The following MCHR2 variants were observed in gnomAD, a reference collection of about 807,000 sequenced individuals.
MCHR2 encodes melanin concentrating hormone receptor 2.
A neutral mutation model predicts 24.8 loss-of-function variants in MCHR2; 15 were observed. That is an observed-to-expected ratio of 0.60 (90% CI 0.40 to 0.93). The LOEUF (loss-of-function observed/expected upper bound fraction) is 0.93. Ranked by LOEUF, MCHR2 falls within the 40% of genes least tolerant of loss-of-function variation. The pLI is 0.00. For missense variants in MCHR2, 386 were observed against 408.7 expected, an observed-to-expected ratio of 0.94 and a Z score of 0.48; for synonymous variants, 151 against 147.6, an observed-to-expected ratio of 1.02 and a Z score of -0.17.
At chr6:99,961,146 T>C (rs9389909) in intron 1 of MCHR2, among the ~76,000 whole-genome samples, 7 of 150,598 alleles carry the variant, frequency 4.6e-5, no homozygotes, top group African/African-American at 1.7e-4. Context: ...AACAACCCCA[T>C]CAAAAAGTGG....
At chr6:99,979,043 G>A (rs557883169) in intron 1 of MCHR2, among the ~76,000 whole-genome samples, 10 of 152,324 alleles carry the variant, frequency 6.6e-5, no homozygotes, top group South Asian at 2.1e-4. Context: ...GAGGTGGGGC[G>A]GAGGGAGGTG....
At chr6:99,957,891 T>C (rs1227477100) in intron 1 of MCHR2, among the ~76,000 whole-genome samples, 1 of 152,076 alleles carries the variant, frequency 6.6e-6, no homozygotes, top group South Asian at 2.1e-4. Context: ...TGAAGACTCA[T>C]TAATCTATAG....
intron 1 of MCHR2, among the ~76,000 whole-genome samples, chr6:99,970,057 T>A (rs572287968): frequency 9.9e-4 from 149 of 149,840 alleles, no homozygotes; most frequent in African/African-American, 3.5e-3. Flanking sequence ...TGATTTATAA[T>A]CCTTTGGGTA....
At chr6:99,985,053 C>T (rs971777978) in intron 1 of MCHR2, among the ~76,000 whole-genome samples, 1 of 151,950 alleles carries the variant, frequency 6.6e-6, no homozygotes, top group African/African-American at 2.4e-5. Context: ...GGAACCAAAT[C>T]AAGAACTCAA....
rs540787993 is a variant in MCHR2 at position 99,939,447 on chromosome 6, G to GA, written c.587+3501dup. 9.2e-5 allele frequency among the ~76,000 whole-genome samples: 14 copies of GA among 151,936 alleles called. 1 individual carries two copies. The South Asian group carries it at 2.1e-3, about 23-fold the overall frequency. ...TTATCTTACATCAAAGAAAAAAGTG[G>GA]AAAAAAATCTACATTTTAACTCCAT... On this transcript the variant is annotated intron_variant, in intron 4 of 5. Coordinates refer to ENST00000281806, the MANE Select transcript of MCHR2 (RefSeq NM_001040179.2).
At chr6:99,986,950 A>G (rs1308816909) in intron 1 of MCHR2, among the ~76,000 whole-genome samples, 1 of 151,496 alleles carries the variant, frequency 6.6e-6, no homozygotes, top group Non-Finnish European at 1.5e-5. Flanking sequence ...AAATGATAAC[A>G]TTGGCATATT....
intron 1 of MCHR2, among the ~76,000 whole-genome samples, chr6:99,965,753 T>A (rs531327152): frequency 2.6e-5 from 4 of 152,154 alleles, no homozygotes; most frequent in Admixed American, 1.3e-4. Flanking sequence ...GGCATATGCA[T>A]TTTTTAAAAT....
intron 1 of MCHR2, among the ~76,000 whole-genome samples, chr6:99,976,506 G>T (rs1775554662): frequency 6.6e-6 from 1 of 152,230 alleles, no homozygotes; most frequent in Non-Finnish European, 1.5e-5. Flanking sequence ...GTAGGCCCTA[G>T]TTGTGTAGCC....
At chr6:99,965,013 T>C (rs1028795251) in intron 1 of MCHR2, among the ~76,000 whole-genome samples, 6 of 152,144 alleles carry the variant, frequency 3.9e-5, no homozygotes, top group Non-Finnish European at 8.8e-5. Flanking sequence ...TAACTGCAAA[T>C]GTCAGATTGT....
intron 1 of MCHR2, among the ~76,000 whole-genome samples, chr6:99,972,290 G>C (rs1447806303): frequency 6.6e-6 from 1 of 152,190 alleles, no homozygotes; most frequent in Admixed American, 6.5e-5. Context: ...TTAGTCTTGG[G>C]AGGGTGTATG....
At chr6:99,928,774 A>C (rs957148843) in intron 5 of MCHR2, among the ~76,000 whole-genome samples, 41 of 152,050 alleles carry the variant, frequency 2.7e-4, no homozygotes, top group African/African-American at 8.0e-4. Context: ...TTTGTTGATC[A>C]TTTCAAAAAA....
intron 4 of MCHR2, among the ~76,000 whole-genome samples, chr6:99,939,152 A>C (rs1023387018): frequency 3.9e-5 from 6 of 152,054 alleles, no homozygotes; most frequent in Admixed American, 1.3e-4. Flanking sequence ...CTGCCTTTTA[A>C]TTGGAAAATT....
intron 5 of MCHR2, among the ~76,000 whole-genome samples, chr6:99,923,837 A>T (rs1425387468): frequency 6.6e-6 from 1 of 151,930 alleles, no homozygotes; most frequent in Non-Finnish European, 1.5e-5. Context: ...TTTGTTGTGA[A>T]TTTTTGCATG....
intron 1 of MCHR2, among the ~76,000 whole-genome samples, chr6:99,990,093 G>A (rs1330181595): frequency 1.3e-5 from 2 of 152,120 alleles, no homozygotes; most frequent in Admixed American, 6.5e-5. Flanking sequence ...TAATGAAAGT[G>A]AGCAGAGCAT....
intron 5 of MCHR2, among the ~76,000 whole-genome samples, chr6:99,927,384 T>C (rs919132788): frequency 2.6e-4 from 40 of 152,212 alleles, no homozygotes; most frequent in Admixed American, 7.8e-4. Flanking sequence ...AGGTCATTGG[T>C]AGCTTGATGG....
intron 5 of MCHR2, among the ~76,000 whole-genome samples, chr6:99,929,534 C>A (rs375210285): frequency 6.6e-6 from 1 of 152,110 alleles, no homozygotes; most frequent in Admixed American, 6.5e-5. Context: ...GTATTGGGTG[C>A]ATATATATTT....
At position 99,920,209 on chromosome 6, in the gene MCHR2, A is replaced by G. The variant is rs1158433149; in HGVS notation, c.*731T>C. The G allele has an allele frequency of 1.3e-5, 2 of 152,116 alleles. No homozygotes were observed. Among genetic ancestry groups the G allele is most frequent in the African/African-American group, 4.8e-5 (2 of 41,424 alleles). The allele number at this position is 152,116 out of a possible 1,614,324, so 9.4% of individuals were successfully genotyped here. A position where few individuals can be genotyped will look rare whatever the true frequency, so the allele number is the denominator to read the frequency against. On this transcript the variant is annotated 3_prime_UTR_variant, in exon 6 of 6. Coordinates refer to ENST00000281806, the MANE Select transcript of MCHR2 (RefSeq NM_001040179.2). ...AGGGCTACAGGAGAAAGCAAAAGAA[A>G]CTCCAAGTTACTGGGTTCTCCAGTA... is the stretch of plus-strand genomic sequence containing the variant.
At chr6:99,928,861 A>C (rs1774435030) in intron 5 of MCHR2, among the ~76,000 whole-genome samples, 1 of 151,828 alleles carries the variant, frequency 6.6e-6, no homozygotes, top group Admixed American at 6.6e-5. Flanking sequence ...GATTTTAGTT[A>C]TTTCTTGCCT....
rs1173439200 is a variant in MCHR2 at position 99,952,363 on chromosome 6, A to G, written c.182+3603T>C. On this transcript the variant is annotated intron_variant, in intron 2 of 5. Transcript: ENST00000281806. ...TCTTGAAGCTCCATCTTCCTTAAAC[A>G]TATTTATTTTATATACGTTTCTAGT... 2.0e-5 allele frequency among the ~76,000 whole-genome samples: 3 copies of G among 152,116 alleles called. No individual in the cohort carries two copies. In the East Asian group the frequency reaches 5.8e-4, roughly 29 times the overall value.
Sources: allele counts gnomAD v4.1 joint callset (sites outside exome capture counted in the v4.1 genomes callset), GRCh38; gene constraint gnomAD v4.1.1; transcripts MANE v1.5; gene names NCBI Gene and HGNC (gene_info 2026-07-23, HGNC 2026-07-21).